Variants in SLC11A1 observed in about 807,000 individuals in gnomAD.
SLC11A1 encodes the protein solute carrier family 11 member 1, also known as natural resistance-associated macrophage protein 1.
In SLC11A1, 59 loss-of-function variants were observed where a neutral mutation model predicts 63.2. That is an observed-to-expected ratio of 0.93 (90% CI 0.76 to 1.16). The LOEUF (loss-of-function observed/expected upper bound fraction) is 1.16. SLC11A1 is among the 50% of genes most tolerant of loss of function. The pLI is 0.00. For missense variants in SLC11A1, 688 were observed against 730.7 expected, an observed-to-expected ratio of 0.94 and a Z score of 0.67; for synonymous variants, 305 against 307.8, an observed-to-expected ratio of 0.99 and a Z score of 0.09.
chr2:218,383,127 G>A lies in SLC11A1; in HGVS notation c.150+25G>A, dbSNP rs1695894519. The A allele has an allele frequency of 1.9e-6, 3 of 1,611,572 alleles. No individual in the cohort carries two copies. In the South Asian group the frequency reaches 3.3e-5, roughly 18 times the overall value. ...GGTGGGATGCTGGAAACTTCCTGGG[G>A]GCTTGCAAGATTGACAGGATCCTGA... is the stretch of plus-strand genomic sequence containing the variant. On this transcript the variant is annotated intron_variant, in intron 2 of 14. Coordinates refer to ENST00000233202, the MANE Select transcript of SLC11A1 (RefSeq NM_000578.4).
chr2:218,389,916 A>G lies in SLC11A1; in HGVS notation c.842A>G (p.Asn281Ser). ...CGCCGAGCAGACATCAGAGAAGCCA[A>G]CATGTACTTCCTGATTGAGGCCACC... ...RARRADIREA[N>S]MYFLIEATIA... Residue 281 changes from asparagine to serine, a missense_variant, in exon 9 of 15, where the codon AAC becomes AGC. Physicochemically the swap from Asn to Ser is conservative, Grantham distance 46 (BLOSUM62 1). Coordinates refer to ENST00000233202, the MANE Select transcript of SLC11A1 (RefSeq NM_000578.4). The G allele has an allele frequency of 1.2e-6, 2 of 1,614,058 alleles. No homozygotes were observed. Among genetic ancestry groups the G allele is most frequent in the Non-Finnish European group, 1.7e-6 (2 of 1,179,988 alleles).
chr2:218,384,406 G>A lies in SLC11A1; in HGVS notation c.273+41G>A, dbSNP rs768777359. 1.9e-6 allele frequency: 3 copies of A among 1,571,792 alleles called. No individual in the cohort carries two copies. The highest frequency in any genetic ancestry group is 2.6e-6 in the Non-Finnish European group (3 of 1,149,642). On this transcript the variant is annotated intron_variant, in intron 3 of 14. Transcript: ENST00000233202. The surrounding 1 kb of genome is among the most constrained non-coding windows in gnomAD (Gnocchi z 4.0). Reference sequence around the variant, plus strand: ...CCTGAGTGGGGACACTTTCGAGAGGGAGGTGACCAGGCTAAGTGTTGAAGG... The same window carrying A: ...CCTGAGTGGGGACACTTTCGAGAGGAAGGTGACCAGGCTAAGTGTTGAAGG...
chr2:218,393,323 AC>A (rs1297698400), intron 12 of SLC11A1, among the ~76,000 whole-genome samples, 193 bp downstream of exon 12: 2 of 56,000 alleles, frequency 3.6e-5, no homozygotes, highest in Non-Finnish European at 7.6e-5. Context: ...CCCCCCTCCC[AC>A]CCCCCAGATG....
Position 218,391,430 on chromosome 2 carries a change from G to A in SLC11A1, c.1099G>A (p.Gly367Ser). The change falls in exon 11 of 15, where the codon GGT (glycine) becomes AGT (serine). Residue 367 changes from glycine to serine, a missense_variant. Transcript: ENST00000233202. The stretch of plus-strand genomic sequence containing the variant: ...CGCGGCCCTCTACATCTGGGCCATA[G>A]GTCTCCTGGCGGCTGGGCAGAGCTC... ...GPAALYIWAI[G>S]LLAAGQSSTM... is the part of the protein sequence containing the mutation. The A allele has an allele frequency of 6.2e-7, 1 of 1,613,818 alleles. No homozygotes were observed. Among genetic ancestry groups the A allele is most frequent in the Non-Finnish European group, 8.5e-7 (1 of 1,179,904 alleles).
intron 5 of SLC11A1, 116 bp downstream of exon 5, chr2:218,386,857 G>T (rs2106331178): frequency 1.3e-6 from 1 of 777,922 alleles, no homozygotes; most frequent in Non-Finnish European, 2.2e-6. Flanking sequence ...CTCTGAAGCA[G>T]GGCTGCTGCC....
rs1695976576 is a variant in SLC11A1 at position 218,384,589 on chromosome 2, T to A, written c.273+224T>A. The A allele has an allele frequency of 5.9e-6, 1 of 168,938 alleles. No homozygotes were observed. The highest frequency in any genetic ancestry group is 2.4e-5 in the African/African-American group (1 of 41,900). The allele number at this position is 168,938 out of a possible 1,614,324, so 10.5% of individuals were successfully genotyped here. On this transcript the variant is annotated intron_variant, in intron 3 of 14. Coordinates refer to ENST00000233202, the MANE Select transcript of SLC11A1 (RefSeq NM_000578.4). This position sits in a 1 kb window ranked among gnomAD's most constrained non-coding sequence, Gnocchi z 4.0. ...TCTTTAAAATATATATATGTATATT[T>A]ATTTATTTATTTATTTAATTTTATT...
chr2:218,392,085 T>G (rs1270641369), intron 11 of SLC11A1: 9 of 405,008 alleles, frequency 2.2e-5, no homozygotes. Flanking sequence ...TTCCTTTTTT[T>G]TGAGACGGCG....
At chr2:218,386,488 T>C (rs1369555778) in intron 4 of SLC11A1, 147 bp from the exon 5 acceptor site, 6 of 570,830 alleles carry the variant, frequency 1.1e-5, no homozygotes, top group Admixed American at 3.0e-5. Context: ...TGCCTTTCCA[T>C]CTCCTGTATG....
rs775281462 is a variant in SLC11A1 at position 218,385,197 on chromosome 2, A to T, written c.324A>T (p.Arg108=). ...CCGTGTTGGGCTTGCTCTGCCAGCG[A>T]CTGGCTGCACGTCTGGGCGTGGTGA... ...WATVLGLLCQ[R]LAARLGVVTG... Residue 108 remains arginine (R), a synonymous_variant, in exon 4 of 15, where the codon CGA becomes CGT. Transcript: ENST00000233202. 1 of 1,614,064 alleles carries T rather than the reference A, an allele frequency of 6.2e-7. No homozygotes were observed. Among genetic ancestry groups the T allele is most frequent in the Non-Finnish European group, 8.5e-7 (1 of 1,179,956 alleles).
chr2:218,390,611 C>G (rs1696373057), intron 9 of SLC11A1, among the ~76,000 whole-genome samples: 1 of 152,184 alleles, frequency 6.6e-6, no homozygotes, highest in Non-Finnish European at 1.5e-5. Context: ...CTGGGCACTG[C>G]CACTGCCTTG....
chr2:218,387,603 AC>A lies in SLC11A1; in HGVS notation c.612del (p.Ile205LeufsTer4), dbSNP rs1430634404. 6.2e-7 allele frequency: 1 copy of A among 1,614,010 alleles called. No homozygotes were observed. The highest frequency in any genetic ancestry group is 8.5e-7 in the Non-Finnish European group (1 of 1,180,040). ...GGAAGCTTTTTTTGGACTCCTTATAACCATTATGGCCTTGACCTTTGGCTAT... is the reference window on the plus strand; with the variant it reads ...GGAAGCTTTTTTTGGACTCCTTATAACATTATGGCCTTGACCTTTGGCTAT... ...KLEAFFGLLI[T>X]IMALTFGYEY... is the part of the protein sequence containing the mutation. On this transcript the variant is annotated frameshift_variant, in exon 7 of 15. Coordinates refer to ENST00000233202, the MANE Select transcript of SLC11A1 (RefSeq NM_000578.4). LOFTEE classifies it high-confidence loss of function.
Position 218,394,145 on chromosome 2 carries a change from T to C in SLC11A1, c.1340T>C (p.Leu447Pro), listed in dbSNP as rs1696616068. The C allele has an allele frequency of 6.2e-7, 1 of 1,614,026 alleles. No individual in the cohort carries two copies. Residue 447 changes from leucine (L) to proline (P), a missense_variant, in exon 13 of 15, where the codon CTC (leucine) becomes CCC (proline). Coordinates refer to ENST00000233202, the MANE Select transcript of SLC11A1 (RefSeq NM_000578.4). ...LLLPFAVLPI[L>P]TFTSMPTLMQ... ...CTCCCGTTCGCCGTGCTGCCCATCC[T>C]CACGTTCACCAGCATGCCCACCCTC... is the stretch of plus-strand genomic sequence containing the variant.
chr2:218,382,363 A>G lies in SLC11A1; in HGVS notation c.-6A>G. ...CACTCCCAGAGTACCTGAAGTCGGC[A>G]TTTCAATGACAGGTGAGTAGTGGCC... On this transcript the variant is annotated 5_prime_UTR_variant, in exon 1 of 15. Coordinates refer to ENST00000233202, the MANE Select transcript of SLC11A1 (RefSeq NM_000578.4). The G allele has an allele frequency of 6.2e-7, 1 of 1,613,416 alleles. No homozygotes were observed. The highest frequency in any genetic ancestry group is 8.5e-7 in the Non-Finnish European group (1 of 1,179,568).
At chr2:218,394,080 G>A in intron 12 of SLC11A1, 40 bp from the exon 13 acceptor site, 1 of 1,609,438 alleles carries the variant, frequency 6.2e-7, no homozygotes, top group Non-Finnish European at 8.5e-7. Flanking sequence ...CATATTCTGA[G>A]GCAGAATTCC....
chr2:218,394,199 TA>T lies in SLC11A1; in HGVS notation c.1388+7del. 1 of 1,613,810 alleles carries T rather than the reference TA, an allele frequency of 6.2e-7. No homozygotes were observed. On this transcript the variant is annotated splice_region_variant and intron_variant, in intron 13 of 14. Transcript: ENST00000233202. ...CAGGAGTTTGCCAATGGCCTGTGAGTACCCCCTTTCCCAAGTGCTGGATTGC... is the reference window on the plus strand; with the variant it reads ...CAGGAGTTTGCCAATGGCCTGTGAGTCCCCCTTTCCCAAGTGCTGGATTGC...
chr2:218,385,707 G>A, intron 4 of SLC11A1: 1 of 351,970 alleles, frequency 2.8e-6, no homozygotes. Context: ...CCATTTGATA[G>A]ATGGAAAGAC....
chr2:218,393,193 C>A (rs1275899870), intron 12 of SLC11A1, 63 bp downstream of exon 12: 3 of 1,422,926 alleles, frequency 2.1e-6, no homozygotes, highest in African/African-American at 3.0e-5. Context: ...TCCAGCAACC[C>A]CCACGCTGAG....
chr2:218,386,824 A>T, intron 5 of SLC11A1, 83 bp downstream of exon 5: 1 of 1,010,544 alleles, frequency 9.9e-7, no homozygotes. Flanking sequence ...TCCCTCCCAG[A>T]GTCTATTTTA....
intron 5 of SLC11A1, 25 bp from the exon 6 acceptor site, chr2:218,387,135 C>T: frequency 1.9e-6 from 3 of 1,611,698 alleles, no homozygotes; most frequent in Middle Eastern, 1.7e-4. Flanking sequence ...CCAGGCTGGG[C>T]TGACCCGGGC....
Sources: allele counts gnomAD v4.1 joint callset (sites outside exome capture counted in the v4.1 genomes callset), GRCh38; gene constraint gnomAD v4.1.1; non-coding constraint Gnocchi (gnomAD v3.1); transcripts MANE v1.5; gene names NCBI Gene and HGNC (gene_info 2026-07-23, HGNC 2026-07-21).